SETD5: variants seen among roughly 807,000 people sequenced by gnomAD.
The protein encoded by SETD5 is histone-lysine N-methyltransferase SETD5.
SETD5 carries 44 observed loss-of-function variants against 153.3 expected under a neutral mutation model. The observed-to-expected ratio is 0.29, with a 90% CI of 0.23 to 0.37. SETD5 has a LOEUF of 0.37. Among genes scored for constraint, SETD5 ranks in the 10% least tolerant of loss-of-function variants. SETD5 has a pLI of 1.00. For missense variants in SETD5, 1,544 were observed against 1,768.0 expected, an observed-to-expected ratio of 0.87 and a Z score of 2.27; for synonymous variants, 716 against 645.2, an observed-to-expected ratio of 1.11 and a Z score of -1.66.
chr3:9,474,897 G>A lies in SETD5; in HGVS notation c.3632-171G>A, dbSNP rs527907942. On this transcript the variant is annotated intron_variant, in intron 21 of 22. Transcript: ENST00000402198. ...AATCACATCAGGCATTTAGAACATA[G>A]CCCATAATTAACCACTCATTTTGCC... 774 of 639,074 alleles carry A rather than the reference G, an allele frequency of 1.2e-3. 1 individual carries two copies. Among genetic ancestry groups the A allele is most frequent in the Non-Finnish European group, 1.9e-3 (693 of 373,018 alleles). 39.6% of individuals were successfully genotyped at this position (639,074 alleles called of 1,614,324 possible). A position where few individuals can be genotyped will look rare whatever the true frequency, so the allele number is the denominator to read the frequency against.
intron 1 of SETD5, among the ~76,000 whole-genome samples, chr3:9,410,880 TTTTTTTTTC>T (rs1338528341): frequency 9.9e-5 from 15 of 151,540 alleles, no homozygotes; most frequent in East Asian, 3.9e-4. Flanking sequence ...AAATTCTCTT[TTTTTTTTTC>T]TTTTTTTTCT....
chr3:9,409,666 C>T (rs1005934976), intron 1 of SETD5, among the ~76,000 whole-genome samples: 3 of 152,136 alleles, frequency 2.0e-5, no homozygotes, highest in African/African-American at 7.2e-5. Context: ...TACTTAGAAA[C>T]CACAGTATGG....
At chr3:9,435,956 A>G (rs1346094313) in intron 7 of SETD5, 50 bp downstream of exon 7, 8 of 1,491,270 alleles carry the variant, frequency 5.4e-6, no homozygotes, top group Non-Finnish European at 6.3e-6. Context: ...AATAGCTTAA[A>G]TTTTGGAGCA....
intron 18 of SETD5, among the ~76,000 whole-genome samples, chr3:9,467,972 G>A (rs2125547853): frequency 6.6e-6 from 1 of 151,768 alleles, no homozygotes. Flanking sequence ...CACATTTCCT[G>A]TAACTGTCAT....
In SETD5 at chr3:9,447,293, T is replaced by C. The variant is rs1239675222; in HGVS notation, c.1768T>C (p.Ser590Pro). The change falls in exon 14 of 23, where the codon TCT becomes CCT. Residue 590 changes from serine (S) to proline (P), a missense_variant. Ser to Pro is a moderately conservative substitution (Grantham distance 74, BLOSUM62 -1). This residue lies in a region of SETD5 where 782 missense variants were observed against 787.2 expected (regional missense o/e 0.99). Transcript: ENST00000402198. ...GAGTGTTGGTGTGAATACCCGGAGG[T>C]CTTCCCAAGCAGGGGTAAGAGTTGA... is the stretch of plus-strand genomic sequence containing the variant. The part of the protein sequence containing the change: ...PQSVGVNTRR[S>P]SQAGDIAAEK... 3 of 1,612,978 alleles carry C rather than the reference T, an allele frequency of 1.9e-6. No homozygotes were observed. Among genetic ancestry groups the C allele is most frequent in the Non-Finnish European group, 2.5e-6 (3 of 1,179,556 alleles).
chr3:9,428,138 A>T (rs974621218), intron 2 of SETD5, among the ~76,000 whole-genome samples: 3 of 152,142 alleles, frequency 2.0e-5, no homozygotes, highest in African/African-American at 7.2e-5. Context: ...CTCTGCACCC[A>T]CGCATGCATA....
At chr3:9,456,721 T>A (rs916355316) in intron 17 of SETD5, among the ~76,000 whole-genome samples, 5 of 152,146 alleles carry the variant, frequency 3.3e-5, no homozygotes, top group Non-Finnish European at 7.4e-5. Flanking sequence ...ACGCCTGTAA[T>A]CCCAGCACTT....
intron 7 of SETD5, chr3:9,436,969 G>A (rs1046111412): frequency 9.3e-6 from 12 of 1,287,188 alleles, no homozygotes; most frequent in Non-Finnish European, 1.3e-5. Flanking sequence ...TGACATTGAT[G>A]GTCTGGGAAT....
At chr3:9,426,830 A>G (rs913552658) in intron 2 of SETD5, among the ~76,000 whole-genome samples, 1 of 152,140 alleles carries the variant, frequency 6.6e-6, no homozygotes, top group African/African-American at 2.4e-5. Context: ...GAGCCACTTC[A>G]TCTGGCCCAG....
chr3:9,451,821 G>A (rs144038953), intron 16 of SETD5, among the ~76,000 whole-genome samples: 3 of 152,228 alleles, frequency 2.0e-5, no homozygotes, highest in East Asian at 1.9e-4. Context: ...CCATAATAGC[G>A]AGACCTTTAA....
chr3:9,416,258 C>T (rs1575239524), intron 1 of SETD5, among the ~76,000 whole-genome samples: 1 of 152,318 alleles, frequency 6.6e-6, no homozygotes, highest in East Asian at 1.9e-4. Context: ...TGGCCATCTA[C>T]CTCAAATGTG....
At position 9,434,100 on chromosome 3, in the gene SETD5, C is replaced by T. The variant is rs1176914260; in HGVS notation, c.177+150C>T. On this transcript the variant is annotated intron_variant, in intron 4 of 22. Coordinates refer to ENST00000402198, the MANE Select transcript of SETD5 (RefSeq NM_001080517.3). The surrounding 1 kb of genome is among the most constrained non-coding windows in gnomAD (Gnocchi z 5.6). ...TGACTCCAGCGGACGTCTAGCCCTG[C>T]ATCATTGTTCTTGTTTTTATGTCCC... The T allele has an allele frequency of 1.3e-6, 2 of 1,561,100 alleles. No individual in the cohort carries two copies. Among genetic ancestry groups the T allele is most frequent in the East Asian group, 2.4e-5 (1 of 42,094 alleles).
intron 1 of SETD5, among the ~76,000 whole-genome samples, chr3:9,398,762 G>C (rs955269955): frequency 1.3e-5 from 2 of 152,218 alleles, no homozygotes; most frequent in African/African-American, 4.8e-5. Flanking sequence ...GTGTAGGAAA[G>C]AGCCCTGGTT....
intron 7 of SETD5, chr3:9,436,852 A>G: frequency 6.5e-7 from 1 of 1,550,206 alleles, no homozygotes; most frequent in Non-Finnish European, 8.7e-7. Context: ...TGGGATAGGC[A>G]TTTCGAGAGG....
At chr3:9,431,277 G>T (rs2039931252) in intron 3 of SETD5, 1 of 985,222 alleles carries the variant, frequency 1.0e-6, no homozygotes, top group South Asian at 4.7e-5. Context: ...TGGCATGATA[G>T]CAGCTGGGTT....
At position 9,447,765 on chromosome 3, in the gene SETD5, G is replaced by C; in HGVS notation, c.1862G>C (p.Arg621Pro). The C allele has an allele frequency of 1.2e-6, 2 of 1,613,930 alleles. No homozygotes were observed. The highest frequency in any genetic ancestry group is 1.7e-6 in the Non-Finnish European group (2 of 1,179,882). Residue 621 changes from arginine (R) to proline (P), a missense_variant, in exon 15 of 23, where the codon CGG becomes CCG. By Grantham distance (103) the Arg-to-Pro change is moderately radical (BLOSUM62 -2). Coordinates refer to ENST00000402198, the MANE Select transcript of SETD5 (RefSeq NM_001080517.3). ...SRPRPKSRIS[R>P]YRTSSAQRLK... is the part of the protein sequence containing the mutation. ...CCCCGGCCGAAGAGTCGAATTTCTC[G>C]GTACAGGACCAGTTCAGCCCAAAGA...
At chr3:9,448,752 G>A (rs981270908) in intron 16 of SETD5, 122 bp downstream of exon 16, 7 of 962,590 alleles carry the variant, frequency 7.3e-6, no homozygotes, top group Non-Finnish European at 7.4e-6. Flanking sequence ...CTGCCCATGT[G>A]AGTTTATAAT....
chr3:9,436,209 T>C (rs1373701138), intron 7 of SETD5, among the ~76,000 whole-genome samples: 1 of 152,202 alleles, frequency 6.6e-6, no homozygotes. Context: ...GCTTCCACTA[T>C]CCTTACAGTA....
At chr3:9,449,883 G>C (rs1234492558) in intron 16 of SETD5, among the ~76,000 whole-genome samples, 2 of 152,202 alleles carry the variant, frequency 1.3e-5, no homozygotes, top group African/African-American at 2.4e-5. Flanking sequence ...CCATTTCTAA[G>C]GATGTTAACT....
Sources: allele counts gnomAD v4.1 joint callset (sites outside exome capture counted in the v4.1 genomes callset), GRCh38; gene constraint gnomAD v4.1.1; regional missense constraint gnomAD v4.1.1; non-coding constraint Gnocchi (gnomAD v3.1); transcripts MANE v1.5; gene names NCBI Gene and HGNC (gene_info 2026-07-23, HGNC 2026-07-21).